Variants in USH2A observed in about 807,000 individuals in gnomAD.
USH2A encodes the protein Usher syndrome 2A (autosomal recessive, mild).
In USH2A, 443 loss-of-function variants were observed where a neutral mutation model predicts 538.9. The observed-to-expected ratio is 0.82, with a 90% confidence interval of 0.76 to 0.89. USH2A has a LOEUF of 0.89. Among genes scored for constraint, USH2A ranks in the 40% least tolerant of loss-of-function variants. USH2A has a pLI of 0.00. For missense variants in USH2A, 6,633 were observed against 6,324.8 expected, an observed-to-expected ratio of 1.05 and a Z score of -1.65; for synonymous variants, 2,413 against 2,273.5, an observed-to-expected ratio of 1.06 and a Z score of -1.75.
Position 215,813,738 on chromosome 1 carries a change from G to C in USH2A, c.9737C>G (p.Pro3246Arg). Residue 3246 changes from proline (P) to arginine (R), a missense_variant and splice_region_variant, in exon 49 of 72, where the codon CCA becomes CGA. By Grantham distance (103) the Pro-to-Arg change is moderately radical (BLOSUM62 -2). Coordinates refer to ENST00000307340, the MANE Select transcript of USH2A (RefSeq NM_206933.4). ...GTACACCTGGAAATAACCCTCACCT[G>C]GTAGAATTCTAGCGTAATACCCAGA... ...CCSGYYARIL[P>R]GEVCCPDEQH... 6.2e-7 allele frequency: 1 copy of C among 1,613,766 alleles called. No individual in the cohort carries two copies. Among genetic ancestry groups the C allele is most frequent in the Non-Finnish European group, 8.5e-7 (1 of 1,179,786 alleles).
At chr1:215,966,871 T>C (rs1667360387) in intron 36 of USH2A, among the ~76,000 whole-genome samples, 2 of 152,228 alleles carry the variant, frequency 1.3e-5, no homozygotes, top group Non-Finnish European at 2.9e-5. Context: ...ATTATAATCC[T>C]CAAATATTTG....
chr1:216,025,747 A>G (rs1468840630), intron 32 of USH2A, among the ~76,000 whole-genome samples: 2 of 152,116 alleles, frequency 1.3e-5, no homozygotes, highest in African/African-American at 4.8e-5. Flanking sequence ...CTTTATAGCA[A>G]TGATTCAGCT....
At chr1:216,157,588 G>A (rs530094821) in intron 21 of USH2A, among the ~76,000 whole-genome samples, 2 of 152,154 alleles carry the variant, frequency 1.3e-5, no homozygotes, top group Admixed American at 1.3e-4. Flanking sequence ...ATGATGGACT[G>A]GATAAAGAAA....
chr1:216,269,218 T>C (rs969585752), intron 11 of USH2A, among the ~76,000 whole-genome samples: 1 of 152,080 alleles, frequency 6.6e-6, no homozygotes, highest in East Asian at 1.9e-4. Flanking sequence ...TGGGAAATAA[T>C]TGAATCATGG....
chr1:215,735,088 T>G (rs979011747), intron 60 of USH2A, among the ~76,000 whole-genome samples: 1 of 152,238 alleles, frequency 6.6e-6, no homozygotes, highest in Non-Finnish European at 1.5e-5. Flanking sequence ...GAGCAAGTGA[T>G]TGCAGCATGC....
chr1:215,763,905 T>TA (rs201366772), intron 56 of USH2A, among the ~76,000 whole-genome samples: 17 of 152,142 alleles, frequency 1.1e-4, no homozygotes, highest in African/African-American at 3.9e-4. Context: ...TTAGATTTTA[T>TA]AAAAAATTAT....
At chr1:216,171,405 G>T (rs1186616310) in intron 21 of USH2A, among the ~76,000 whole-genome samples, 1 of 151,882 alleles carries the variant, frequency 6.6e-6, no homozygotes, top group Non-Finnish European at 1.5e-5. Context: ...ATTTTCAATA[G>T]CAAAATTAAG....
intron 49 of USH2A, among the ~76,000 whole-genome samples, chr1:215,813,011 T>C (rs1662740048): frequency 6.6e-6 from 1 of 152,202 alleles, no homozygotes; most frequent in African/African-American, 2.4e-5. Flanking sequence ...CCTTGTATAA[T>C]ACAAATTTCC....
intron 61 of USH2A, among the ~76,000 whole-genome samples, chr1:215,727,733 A>T (rs1468112137): frequency 3.9e-5 from 6 of 152,110 alleles, no homozygotes; most frequent in Non-Finnish European, 2.9e-5. Flanking sequence ...TCAAAAAAAA[A>T]ATATTCCCAC....
intron 11 of USH2A, among the ~76,000 whole-genome samples, chr1:216,255,936 T>A (rs559751456): frequency 0.026 from 3,991 of 152,276 alleles, 169 homozygotes; most frequent in African/African-American, 0.086. Flanking sequence ...AGAATTGTTA[T>A]GTCCTATTGA....
intron 26 of USH2A, among the ~76,000 whole-genome samples, chr1:216,080,866 T>TGATA (rs2031920417): frequency 1.3e-5 from 2 of 151,474 alleles, no homozygotes; most frequent in Admixed American, 1.3e-4. Flanking sequence ...ACGGTCAAGT[T>TGATA]GATAGAGAGA....
At chr1:216,131,462 C>A (rs1378992786) in intron 21 of USH2A, among the ~76,000 whole-genome samples, 2 of 152,028 alleles carry the variant, frequency 1.3e-5, no homozygotes, top group Non-Finnish European at 2.9e-5. Context: ...AGTCCTTGAT[C>A]CATCTTGAGT....
At chr1:215,654,316 C>T (rs1224357624) in intron 64 of USH2A, among the ~76,000 whole-genome samples, 1 of 152,138 alleles carries the variant, frequency 6.6e-6, no homozygotes, top group Non-Finnish European at 1.5e-5. Context: ...GCTATCCCTC[C>T]CCCAGCCTCC....
chr1:215,811,981 G>GTTT (rs753767378), intron 49 of USH2A, among the ~76,000 whole-genome samples: 3,178 of 78,784 alleles, frequency 0.04, 364 homozygotes, highest in East Asian at 0.095. Context: ...AACCCCTAGG[G>GTTT]TTTTTTTTTT....
chr1:215,990,331 G>A (rs573309187), intron 35 of USH2A, among the ~76,000 whole-genome samples: 32 of 152,254 alleles, frequency 2.1e-4, no homozygotes, highest in South Asian at 6.2e-4. Context: ...GACACTGGAT[G>A]GTAAGTACTT....
chr1:216,015,328 G>T (rs899627579), intron 32 of USH2A, among the ~76,000 whole-genome samples: 16 of 152,176 alleles, frequency 1.1e-4, no homozygotes, highest in African/African-American at 2.9e-4. Context: ...ATATCAGGTT[G>T]CATTCATCTC....
chr1:216,379,515 GT>G (rs1035943446), intron 3 of USH2A, among the ~76,000 whole-genome samples: 10 of 151,348 alleles, frequency 6.6e-5, no homozygotes, highest in African/African-American at 2.4e-4. Flanking sequence ...TGCTACTTAA[GT>G]GCTTTATTCA....
intron 47 of USH2A, among the ~76,000 whole-genome samples, chr1:215,824,956 T>A (rs892337047): frequency 6.6e-6 from 1 of 152,160 alleles, no homozygotes; most frequent in African/African-American, 2.4e-5. Flanking sequence ...CATATTTGAG[T>A]TCTGGGATAT....
intron 20 of USH2A, among the ~76,000 whole-genome samples, chr1:216,180,937 G>A (rs1035438016): frequency 6.6e-6 from 1 of 152,116 alleles, no homozygotes; most frequent in Non-Finnish European, 1.5e-5. Context: ...TGATTTCTCT[G>A]TTGCAGAGAG....
Sources: gnomAD v4.1 joint callset for allele counts (sites outside exome capture counted in the v4.1 genomes callset) on GRCh38, gnomAD v4.1.1 for gene constraint, MANE v1.5 for transcripts, NCBI Gene and HGNC (gene_info 2026-07-23, HGNC 2026-07-21) for gene names.